CTNNA2: variants seen among roughly 807,000 people sequenced by gnomAD.
CTNNA2 encodes the protein catenin alpha-2.
In CTNNA2, 42 loss-of-function variants were observed where a neutral mutation model predicts 101.0. The observed-to-expected ratio is 0.42, with a 90% confidence interval of 0.32 to 0.54. The LOEUF (loss-of-function observed/expected upper bound fraction) is 0.54, where lower values mean the gene tolerates loss of function less well. Ranked by LOEUF, CTNNA2 falls within the 20% of genes least tolerant of loss-of-function variation. The pLI is 0.14. For missense variants in CTNNA2, 871 were observed against 1,223.1 expected (o/e 0.71, Z 4.29); for synonymous variants, 450 against 456.4 (o/e 0.99, Z 0.18).
At chr2:80,004,681 ATTT>A (rs1693205017) in intron 7 of CTNNA2, among the ~76,000 whole-genome samples, 7 of 32,054 alleles carry the variant, frequency 2.2e-4, no homozygotes, top group Non-Finnish European at 4.9e-4. Flanking sequence ...ACATTTATTT[ATTT>A]ATTTATTTAT....
chr2:80,164,783 A>G (rs185402227), intron 7 of CTNNA2, among the ~76,000 whole-genome samples: 267 of 152,042 alleles, frequency 1.8e-3, no homozygotes, highest in Admixed American at 3.5e-3. Flanking sequence ...TAGAGCATGT[A>G]ATGGTTTCCT....
chr2:80,356,335 A>T (rs558814695), intron 7 of CTNNA2, among the ~76,000 whole-genome samples: 2 of 152,284 alleles, frequency 1.3e-5, no homozygotes, highest in East Asian at 3.9e-4. Flanking sequence ...TGGTAAAAAC[A>T]TCATTATACC....
intron 2 of CTNNA2, among the ~76,000 whole-genome samples, chr2:79,691,524 C>T (rs1395146609): frequency 5.3e-5 from 8 of 151,660 alleles, no homozygotes; most frequent in Non-Finnish European, 1.2e-4. Context: ...AAAAAAACTA[C>T]TTTAAAATTC....
intron 12 of CTNNA2, among the ~76,000 whole-genome samples, chr2:80,569,054 G>A (rs1019317483): frequency 1.3e-5 from 2 of 152,034 alleles, no homozygotes; most frequent in African/African-American, 4.8e-5. Context: ...TGCTACCTTT[G>A]GTTGACCTTG....
intron 7 of CTNNA2, among the ~76,000 whole-genome samples, chr2:80,030,728 G>A (rs1010791325): frequency 3.3e-5 from 5 of 152,108 alleles, no homozygotes; most frequent in Non-Finnish European, 5.9e-5. Flanking sequence ...CTGAGTAATG[G>A]ACTGGGAAGA....
At chr2:79,931,954 A>G (rs568422522) in intron 7 of CTNNA2, among the ~76,000 whole-genome samples, 5 of 152,340 alleles carry the variant, frequency 3.3e-5, no homozygotes, top group African/African-American at 1.2e-4. Context: ...CTTTTTAGAC[A>G]AAAACAGTTG....
At chr2:79,971,963 A>G (rs534657515) in intron 7 of CTNNA2, among the ~76,000 whole-genome samples, 2 of 152,256 alleles carry the variant, frequency 1.3e-5, no homozygotes, top group South Asian at 2.1e-4. Context: ...TTGCTCCACC[A>G]CCTAGTGAGT....
intron 4 of CTNNA2, among the ~76,000 whole-genome samples, chr2:79,858,675 A>G (rs1450289505): frequency 2.0e-5 from 3 of 152,104 alleles, no homozygotes; most frequent in Non-Finnish European, 4.4e-5. Flanking sequence ...TATATTGGCA[A>G]TAAAAAGGGG....
chr2:79,834,279 G>T (rs547902009), intron 3 of CTNNA2, among the ~76,000 whole-genome samples: 2 of 152,000 alleles, frequency 1.3e-5, no homozygotes, highest in South Asian at 4.2e-4. Context: ...GAGTTCTAGA[G>T]TATCTAACAT....
At chr2:80,614,732 G>A (rs1698712826) in intron 17 of CTNNA2, among the ~76,000 whole-genome samples, 1 of 151,314 alleles carries the variant, frequency 6.6e-6, no homozygotes, top group Admixed American at 6.6e-5. Context: ...TTTGAGAAGT[G>A]TCTTAAAAGC....
intron 2 of CTNNA2, among the ~76,000 whole-genome samples, chr2:79,265,800 ACAGT>A (rs544134743): frequency 1.3e-3 from 205 of 152,328 alleles, no homozygotes; most frequent in Non-Finnish European, 2.4e-3. Flanking sequence ...GATATTTAAG[ACAGT>A]CAGTCTGGAT....
chr2:79,809,942 A>G (rs1218415190), intron 3 of CTNNA2, among the ~76,000 whole-genome samples: 1 of 152,174 alleles, frequency 6.6e-6, no homozygotes. Context: ...TACGGAAAGG[A>G]AAAACCAGTA....
At chr2:80,602,550 A>G (rs1454296361) in intron 15 of CTNNA2, among the ~76,000 whole-genome samples, 1 of 152,116 alleles carries the variant, frequency 6.6e-6, no homozygotes, top group Non-Finnish European at 1.5e-5. Flanking sequence ...TCTAAGGTCT[A>G]GAAGTTACAA....
intron 2 of CTNNA2, among the ~76,000 whole-genome samples, chr2:79,722,689 C>T (rs746433170): frequency 1.5e-4 from 23 of 152,208 alleles, no homozygotes; most frequent in Admixed American, 5.9e-4. Flanking sequence ...TGTTTTTGCC[C>T]CCACCACTAG....
chr2:79,691,465 C>T lies in CTNNA2; in HGVS notation c.102+39807C>T, dbSNP rs556386914. 1.5e-3 allele frequency among the ~76,000 whole-genome samples: 223 copies of T among 151,484 alleles called. 1 individual carries two copies. The highest frequency in any genetic ancestry group is 9.0e-3 in the South Asian group (43 of 4,792). On this transcript the variant is annotated intron_variant, in intron 2 of 18. Coordinates refer to ENST00000402739, the MANE Select transcript of CTNNA2 (RefSeq NM_001282597.3). ...AATAGTGACTCAAAGAGGCAAAATA[C>T]TCCAATTAAAAGACAGACTTTCAGA...
intron 7 of CTNNA2, among the ~76,000 whole-genome samples, chr2:80,209,798 G>T (rs549449835): frequency 6.6e-6 from 1 of 152,254 alleles, no homozygotes; most frequent in Non-Finnish European, 1.5e-5. Context: ...CCTGAGTAAG[G>T]CTATACATGA....
intron 9 of CTNNA2, among the ~76,000 whole-genome samples, chr2:80,526,440 C>T (rs1425526837): frequency 1.3e-5 from 2 of 151,762 alleles, no homozygotes; most frequent in African/African-American, 2.4e-5. Flanking sequence ...CCTTGTGATC[C>T]GCCCACCTCA....
rs1674263317 is a variant in CTNNA2 at position 80,647,761 on chromosome 2, G to A, written c.2751G>A (p.Val917=). ...AGGCTCCAGAGAAGAAGCCCCTTGT[G>A]AAGAGAGAAAAGCCTGAAGAATTCC... ...KMKAPEKKPL[V]KREKPEEFQT... The change falls in exon 19 of 19, where the codon GTG becomes GTA. Residue 917 remains valine (V), a synonymous_variant. Coordinates refer to ENST00000402739, the MANE Select transcript of CTNNA2 (RefSeq NM_001282597.3). The A allele has an allele frequency of 6.2e-7, 1 of 1,613,494 alleles. No individual in the cohort carries two copies. Among genetic ancestry groups the A allele is most frequent in the African/African-American group, 1.3e-5 (1 of 74,880 alleles).
Position 80,648,131 on chromosome 2 carries a change from G to A in CTNNA2, c.*259G>A. On this transcript the variant is annotated 3_prime_UTR_variant, in exon 19 of 19. Transcript: ENST00000402739. ...ACATTCTCATAAAATTGGGCACAGA[G>A]TTCGCATTGGCGCAATATTTATGGG... The A allele has an allele frequency of 3.5e-6, 1 of 288,146 alleles. No individual in the cohort carries two copies. Among genetic ancestry groups the A allele is most frequent in the Non-Finnish European group, 6.5e-6 (1 of 154,442 alleles). 17.8% of individuals were successfully genotyped at this position (288,146 alleles called of 1,614,324 possible). A position where few individuals can be genotyped will look rare whatever the true frequency, so the allele number is the denominator to read the frequency against.
Sources: allele counts gnomAD v4.1 joint callset (sites outside exome capture counted in the v4.1 genomes callset), GRCh38; gene constraint gnomAD v4.1.1; transcripts MANE v1.5; gene names NCBI Gene and HGNC (gene_info 2026-07-23, HGNC 2026-07-21).